Variants in LINGO2 observed in about 807,000 individuals in gnomAD.
LINGO2 encodes the protein leucine-rich repeat and immunoglobulin-like domain-containing nogo receptor-interacting protein 2.
In LINGO2, 14 loss-of-function variants were observed where a neutral mutation model predicts 30.6. The observed-to-expected ratio is 0.46, with a 90% CI of 0.30 to 0.72. LINGO2 has a LOEUF of 0.72. Among genes scored for constraint, LINGO2 ranks in the 30% least tolerant of loss-of-function variants. LINGO2 has a pLI of 0.07. For synonymous variants in LINGO2, 317 were observed against 288.5 expected, an observed-to-expected ratio of 1.10 and a Z score of -1.00; for missense variants, 729 against 751.7, an observed-to-expected ratio of 0.97 and a Z score of 0.35.
At chr9:28,285,398 A>ATTTTTTT (rs34034595) in intron 4 of LINGO2, among the ~76,000 whole-genome samples, 19 of 76,196 alleles carry the variant, frequency 2.5e-4, no homozygotes, top group South Asian at 5.9e-4. Context: ...GCCCAAGATC[A>ATTTTTTT]TTTTTTTTTT....
At chr9:28,646,153 A>G (rs1827828801) in intron 1 of LINGO2, among the ~76,000 whole-genome samples, 1 of 152,074 alleles carries the variant, frequency 6.6e-6, no homozygotes, top group Non-Finnish European at 1.5e-5. Context: ...GAAAATCTTC[A>G]TGAAATCTCG....
chr9:29,073,626 T>C, the LINGO2 span, among the ~76,000 whole-genome samples: 7 of 152,298 alleles, frequency 4.6e-5, no homozygotes, highest in East Asian at 1.4e-3. Flanking sequence ...GCTTTTAAAC[T>C]ATAACAATAG....
chr9:28,739,795 G>A, the LINGO2 span, among the ~76,000 whole-genome samples: 1 of 151,438 alleles, frequency 6.6e-6, no homozygotes, highest in East Asian at 1.9e-4. Context: ...TGTAGTTATG[G>A]AGTAAGTTTT....
chr9:29,052,180 T>C, the LINGO2 span, among the ~76,000 whole-genome samples: 1 of 152,150 alleles, frequency 6.6e-6, no homozygotes, highest in Non-Finnish European at 1.5e-5. Flanking sequence ...CTTCATCCAA[T>C]GAATAAAAGA....
At chr9:28,754,923 G>A in the LINGO2 span, among the ~76,000 whole-genome samples, 19 of 151,974 alleles carry the variant, frequency 1.3e-4, no homozygotes, top group South Asian at 2.3e-3. Context: ...AAGCCACCAC[G>A]CCCAGCCTTA....
intron 5 of LINGO2, among the ~76,000 whole-genome samples, chr9:27,989,445 C>CTCTG (rs1224690877): frequency 0.034 from 5,146 of 150,408 alleles, 103 homozygotes; most frequent in Admixed American, 0.05. Context: ...TGAATGCTCT[C>CTCTG]TGTGTGTGTG....
At chr9:28,050,338 T>G (rs909374122) in intron 4 of LINGO2, among the ~76,000 whole-genome samples, 1 of 150,718 alleles carries the variant, frequency 6.6e-6, no homozygotes, top group African/African-American at 2.5e-5. Flanking sequence ...AAATACACTT[T>G]GGTTAAAGCC....
the LINGO2 span, among the ~76,000 whole-genome samples, chr9:29,141,242 A>G: frequency 6.6e-6 from 1 of 151,990 alleles, no homozygotes; most frequent in Non-Finnish European, 1.5e-5. Context: ...ATTCTAATGG[A>G]CACACCCTAT....
At chr9:28,632,696 A>G (rs923215675) in intron 1 of LINGO2, among the ~76,000 whole-genome samples, 1 of 138,752 alleles carries the variant, frequency 7.2e-6, no homozygotes, top group Non-Finnish European at 1.5e-5. Flanking sequence ...ATATTTATAT[A>G]GATCTATATA....
the LINGO2 span, among the ~76,000 whole-genome samples, chr9:29,156,838 T>C: frequency 0.039 from 5,957 of 152,158 alleles, 154 homozygotes; most frequent in Non-Finnish European, 0.06. Context: ...ATATTCACTC[T>C]TTCAGGAGGG....
chr9:28,151,911 A>G (rs964053033), intron 4 of LINGO2, among the ~76,000 whole-genome samples: 3 of 152,188 alleles, frequency 2.0e-5, no homozygotes, highest in African/African-American at 4.8e-5. Context: ...AAAGACACCA[A>G]TATTTCCTAC....
intron 4 of LINGO2, among the ~76,000 whole-genome samples, chr9:28,159,342 A>T (rs1316316043): frequency 4.6e-5 from 7 of 152,196 alleles, no homozygotes; most frequent in Non-Finnish European, 8.8e-5. Context: ...TAGCTAAAAA[A>T]TGTAACTAGT....
chr9:29,200,503 T>C, the LINGO2 span, among the ~76,000 whole-genome samples: 2 of 152,124 alleles, frequency 1.3e-5, no homozygotes, highest in Non-Finnish European at 2.9e-5. Flanking sequence ...AAAATATTGT[T>C]TGTTTTATGT....
At position 28,050,940 on chromosome 9, in the gene LINGO2, C is replaced by T. The variant is rs558172305; in HGVS notation, c.-86-38535G>A. On this transcript the variant is annotated intron_variant, in intron 4 of 5. Transcript: ENST00000379992. ...AAAATATTGAAAACACACTGTAGTA[C>T]ATGTTATGACAGTGGTGGGCTCAAC... 6.0e-5 allele frequency among the ~76,000 whole-genome samples: 9 copies of T among 150,988 alleles called. 1 individual carries two copies. The highest frequency in any genetic ancestry group is 2.2e-4 in the African/African-American group (9 of 40,916).
At chr9:28,259,355 C>A (rs1268819789) in intron 4 of LINGO2, among the ~76,000 whole-genome samples, 3 of 151,752 alleles carry the variant, frequency 2.0e-5, no homozygotes, top group African/African-American at 7.3e-5. Context: ...TTTTTTTCTT[C>A]TTCTCTTTCT....
At chr9:28,173,106 G>A (rs1025242968) in intron 4 of LINGO2, among the ~76,000 whole-genome samples, 2 of 152,078 alleles carry the variant, frequency 1.3e-5, no homozygotes, top group Non-Finnish European at 2.9e-5. Context: ...ATTGATTGTA[G>A]TTTTAAAGAC....
intron 4 of LINGO2, among the ~76,000 whole-genome samples, chr9:28,146,134 C>T (rs1001194703): frequency 6.6e-6 from 1 of 152,338 alleles, no homozygotes; most frequent in Non-Finnish European, 1.5e-5. Flanking sequence ...AAGCACACAG[C>T]CCTCATTCGT....
chr9:28,850,059 G>A, the LINGO2 span, among the ~76,000 whole-genome samples: 3 of 151,862 alleles, frequency 2.0e-5, no homozygotes, highest in Non-Finnish European at 2.9e-5. Flanking sequence ...TTAGTTCTAC[G>A]GTTTTCTTTT....
intron 4 of LINGO2, among the ~76,000 whole-genome samples, chr9:28,251,720 C>A (rs13440274): frequency 0.19 from 29,235 of 150,850 alleles, 3,056 homozygotes; most frequent in East Asian, 0.26. Flanking sequence ...TATATTTCCC[C>A]AAGATTTCAA....
Sources: allele counts gnomAD v4.1 joint callset (sites outside exome capture counted in the v4.1 genomes callset), GRCh38; gene constraint gnomAD v4.1.1; transcripts MANE v1.5; gene names NCBI Gene and HGNC (gene_info 2026-07-23, HGNC 2026-07-21).